Variants in MORN5 observed in about 807,000 individuals in gnomAD.
MORN5 encodes the protein MORN repeat-containing protein 5.
In MORN5, 21 loss-of-function variants were observed where a neutral mutation model predicts 22.1. The observed-to-expected ratio is 0.95, with a 90% confidence interval of 0.67 to 1.37. The LOEUF (loss-of-function observed/expected upper bound fraction) is 1.37, where lower values mean the gene tolerates loss of function less well. Ranked by LOEUF, MORN5 falls within the 40% of genes most tolerant of loss-of-function variation. The probability of loss-of-function intolerance (pLI) is 0.00; values close to 1 mark genes in which losing one functional copy is unlikely to be tolerated. For missense variants in MORN5, 211 were observed against 215.1 expected, an observed-to-expected ratio of 0.98 and a Z score of 0.12; for synonymous variants, 73 against 74.0, an observed-to-expected ratio of 0.99 and a Z score of 0.07.
intron 4 of MORN5, among the ~76,000 whole-genome samples, chr9:122,196,164 G>T (rs1182613521): frequency 6.6e-6 from 1 of 151,540 alleles, no homozygotes; most frequent in Non-Finnish European, 1.5e-5. Context: ...TTGCCATGTT[G>T]CCCAGGCTGG....
At chr9:122,180,118 G>A (rs1267189154) in intron 4 of MORN5, among the ~76,000 whole-genome samples, 2 of 152,106 alleles carry the variant, frequency 1.3e-5, no homozygotes, top group South Asian at 2.1e-4. Flanking sequence ...TCTACTGTGT[G>A]CCAGGCTTTG....
intron 1 of MORN5, among the ~76,000 whole-genome samples, chr9:122,160,746 C>G (rs560488240): frequency 5.3e-5 from 8 of 152,256 alleles, no homozygotes; most frequent in Admixed American, 5.2e-4. Flanking sequence ...TCCCAAGTAG[C>G]TGAGACTACC....
intron 4 of MORN5, among the ~76,000 whole-genome samples, chr9:122,184,694 T>C (rs1829586651): frequency 6.6e-6 from 1 of 152,236 alleles, no homozygotes; most frequent in Admixed American, 6.5e-5. Flanking sequence ...TTTTATTTCA[T>C]TTTATTTAAT....
chr9:122,170,374 A>G (rs1564416459), intron 3 of MORN5, among the ~76,000 whole-genome samples: 2 of 152,082 alleles, frequency 1.3e-5, no homozygotes, highest in Non-Finnish European at 2.9e-5. Context: ...AAGATAATTC[A>G]TGTCAGGTGT....
chr9:122,180,909 ATGAGTCCCATGAGT>A (rs1215494651), intron 4 of MORN5, among the ~76,000 whole-genome samples: 1 of 152,224 alleles, frequency 6.6e-6, no homozygotes, highest in African/African-American at 2.4e-5. Context: ...AGCATCTCAC[ATGAGTCCCATGAGT>A]TGGAGCTGAT....
intron 4 of MORN5, among the ~76,000 whole-genome samples, chr9:122,178,618 G>A (rs1289316720): frequency 6.6e-6 from 1 of 152,182 alleles, no homozygotes; most frequent in Non-Finnish European, 1.5e-5. Flanking sequence ...TTCTGTAACT[G>A]GTCACAAGGC....
intron 1 of MORN5, 32 bp downstream of exon 1, chr9:122,160,051 C>T: frequency 6.3e-7 from 1 of 1,590,342 alleles, no homozygotes; most frequent in Non-Finnish European, 8.6e-7. Context: ...CTTACTATAC[C>T]TTGAATAGCT....
intron 2 of MORN5, among the ~76,000 whole-genome samples, chr9:122,167,198 C>T (rs1829299941): frequency 6.6e-6 from 1 of 151,346 alleles, no homozygotes; most frequent in African/African-American, 2.4e-5. Flanking sequence ...CGGGCGTGCA[C>T]CACCATGCCC....
chr9:122,196,705 G>A (rs925738901), intron 4 of MORN5, among the ~76,000 whole-genome samples: 1 of 152,098 alleles, frequency 6.6e-6, no homozygotes, highest in Non-Finnish European at 1.5e-5. Context: ...AAATAAAAGC[G>A]GAAAGAGAAA....
At chr9:122,195,234 G>T (rs1268742800) in intron 4 of MORN5, among the ~76,000 whole-genome samples, 2 of 152,172 alleles carry the variant, frequency 1.3e-5, no homozygotes, top group Non-Finnish European at 2.9e-5. Flanking sequence ...TAAATTAAGA[G>T]AATTCTCGCA....
At chr9:122,179,548 C>T (rs891315753) in intron 4 of MORN5, among the ~76,000 whole-genome samples, 4 of 152,102 alleles carry the variant, frequency 2.6e-5, no homozygotes, top group Admixed American at 2.6e-4. Flanking sequence ...CAATGCCTTC[C>T]CTCTCTGGGC....
intron 4 of MORN5, among the ~76,000 whole-genome samples, chr9:122,189,486 A>G (rs1829711484): frequency 6.6e-6 from 1 of 152,146 alleles, no homozygotes; most frequent in African/African-American, 2.4e-5. Context: ...GAGTTCAGCT[A>G]CTGGGAAGCT....
At chr9:122,171,862 A>T (rs1375220973) in intron 3 of MORN5, among the ~76,000 whole-genome samples, 1 of 148,518 alleles carries the variant, frequency 6.7e-6, no homozygotes. Context: ...CCAGCCCTCC[A>T]TCATCTTTCC....
At chr9:122,169,799 G>A in intron 3 of MORN5, 43 bp downstream of exon 3, 2 of 1,298,694 alleles carry the variant, frequency 1.5e-6, no homozygotes, top group Non-Finnish European at 2.2e-6. Flanking sequence ...AAACTGAGAG[G>A]GAAACTAAGA....
intron 4 of MORN5, among the ~76,000 whole-genome samples, chr9:122,183,398 A>G (rs377156142): frequency 4.5e-4 from 68 of 152,256 alleles, no homozygotes; most frequent in African/African-American, 1.6e-3. Context: ...TAACTGTACC[A>G]CTAATCTTTA....
chr9:122,188,866 G>T lies in MORN5; in HGVS notation c.440-11019G>T, dbSNP rs377287400. ...CTCCATCCCTGTGTGCCTCCTGTCC[G>T]GGGAGCACCTTGCTACAGAGGATGA... On this transcript the variant is annotated intron_variant, in intron 4 of 4. Transcript: ENST00000373764. Among the ~76,000 whole-genome samples, 33 of 152,230 alleles carry T rather than the reference G, an allele frequency of 2.2e-4. 1 individual carries two copies. Among genetic ancestry groups the T allele is most frequent in the African/African-American group, 7.0e-4 (29 of 41,530 alleles).
intron 1 of MORN5, among the ~76,000 whole-genome samples, chr9:122,165,359 G>T (rs1164080459): frequency 8.1e-6 from 1 of 123,366 alleles, no homozygotes; most frequent in Non-Finnish European, 1.6e-5. Context: ...AGAAGTTCTA[G>T]ATCAGCCTGG....
chr9:122,164,763 AGGAATT>A, intron 1 of MORN5: 2 of 262,486 alleles, frequency 7.6e-6, no homozygotes, highest in Non-Finnish European at 1.2e-5. Context: ...GAAGGAGAAG[AGGAATT>A]CTCCCTTCCC....
At chr9:122,196,305 T>C (rs555807522) in intron 4 of MORN5, among the ~76,000 whole-genome samples, 46 of 150,288 alleles carry the variant, frequency 3.1e-4, no homozygotes, top group African/African-American at 1.1e-3. Flanking sequence ...TACCAAGACA[T>C]TACATTGGAG....
Sources: allele counts gnomAD v4.1 joint callset (sites outside exome capture counted in the v4.1 genomes callset), GRCh38; gene constraint gnomAD v4.1.1; transcripts MANE v1.5; gene names NCBI Gene and HGNC (gene_info 2026-07-23, HGNC 2026-07-21).